ROBO1: variants seen among roughly 807,000 people sequenced by gnomAD.
The protein encoded by ROBO1 is roundabout guidance receptor 1.
ROBO1 carries 149 observed loss-of-function variants against 195.9 expected under a neutral mutation model. The observed-to-expected ratio is 0.76, with a 90% CI of 0.67 to 0.87. The LOEUF (loss-of-function observed/expected upper bound fraction) is 0.87, where lower values mean the gene tolerates loss of function less well. Ranked by LOEUF, ROBO1 falls within the 40% of genes least tolerant of loss-of-function variation. The pLI is 0.00. For synonymous variants in ROBO1, 816 were observed against 733.2 expected, an observed-to-expected ratio of 1.11 and a Z score of -1.82; for missense variants, 1,933 against 2,068.3, an observed-to-expected ratio of 0.93 and a Z score of 1.27.
At chr3:78,848,485 C>T (rs909467687) in intron 4 of ROBO1, among the ~76,000 whole-genome samples, 2 of 152,046 alleles carry the variant, frequency 1.3e-5, no homozygotes, top group Non-Finnish European at 1.5e-5. Flanking sequence ...AGAAAGTATA[C>T]AATGAGGTGC....
chr3:79,299,980 A>C (rs1472301072), intron 2 of ROBO1, among the ~76,000 whole-genome samples: 1 of 152,250 alleles, frequency 6.6e-6, no homozygotes, highest in Non-Finnish European at 1.5e-5. Context: ...AATACCTGAA[A>C]TATTAAATAA....
At chr3:78,661,315 A>G in intron 15 of ROBO1, 54 bp from the exon 16 acceptor site, 1 of 1,114,034 alleles carries the variant, frequency 9.0e-7, no homozygotes, top group Non-Finnish European at 1.2e-6. Context: ...TTGGTTCATC[A>G]GAAAATAATA....
At chr3:79,353,788 T>C (rs1265233486) in intron 2 of ROBO1, among the ~76,000 whole-genome samples, 2 of 152,162 alleles carry the variant, frequency 1.3e-5, no homozygotes, top group Admixed American at 6.5e-5. Context: ...CTCACGCCTG[T>C]AATCCCAGCA....
intron 1 of ROBO1, among the ~76,000 whole-genome samples, chr3:79,607,574 A>G (rs562595563): frequency 4.1e-5 from 6 of 146,632 alleles, no homozygotes; most frequent in Admixed American, 3.5e-4. Flanking sequence ...ATTATCTTCA[A>G]TCAAAAACTA....
At chr3:79,741,628 T>C (rs1409700915) in intron 1 of ROBO1, among the ~76,000 whole-genome samples, 1 of 152,198 alleles carries the variant, frequency 6.6e-6, no homozygotes, top group Non-Finnish European at 1.5e-5. Flanking sequence ...GAGTGAGGCA[T>C]TGCTATAAAG....
At chr3:79,122,380 CA>C (rs2080135888) in intron 3 of ROBO1, among the ~76,000 whole-genome samples, 1 of 151,930 alleles carries the variant, frequency 6.6e-6, no homozygotes, top group Non-Finnish European at 1.5e-5. Flanking sequence ...TGAAATATTT[CA>C]AAACCTTACA....
At position 79,557,300 on chromosome 3, in the gene ROBO1, CTT is replaced by C. The variant is rs1265364633; in HGVS notation, c.88+32522_88+32523del. On this transcript the variant is annotated intron_variant, in intron 2 of 30. Transcript: ENST00000464233. ...TGACTTTTTAATTAATTTAATGTCT[CTT>C]ATTTATCCGTGTAAATACAGAGAAA... is the stretch of plus-strand genomic sequence containing the variant. 7.2e-5 allele frequency among the ~76,000 whole-genome samples: 11 copies of C among 152,138 alleles called. No homozygotes were observed. The East Asian group carries it at 2.1e-3, about 29-fold the overall frequency.
intron 1 of ROBO1, among the ~76,000 whole-genome samples, chr3:79,680,266 G>C (rs1946904970): frequency 6.6e-6 from 1 of 151,926 alleles, no homozygotes; most frequent in South Asian, 2.1e-4. Context: ...CTCTAATGGA[G>C]CACGCAATGC....
chr3:79,054,637 C>G (rs111661601), intron 3 of ROBO1, among the ~76,000 whole-genome samples: 1,798 of 152,196 alleles, frequency 0.012, 48 homozygotes, highest in African/African-American at 0.041. Context: ...CTTGGTCATA[C>G]TCGTAAAAAT....
rs530933323 is a variant in ROBO1, at chr3:79,758,303, T to C, written c.-51+9449A>G. 5.9e-5 allele frequency among the ~76,000 whole-genome samples: 9 copies of C among 152,358 alleles called. No homozygotes were observed. In the South Asian group the frequency reaches 1.9e-3, roughly 32 times the overall value. ...AAATTGGCTATCTAAACTGAAACTC[T>C]AAATTAAAATAAATTTAATTTAAAA... On this transcript the variant is annotated intron_variant, in intron 1 of 30. Transcript: ENST00000464233.
chr3:78,672,845 G>T (rs1189045416), intron 10 of ROBO1, among the ~76,000 whole-genome samples: 2 of 152,080 alleles, frequency 1.3e-5, no homozygotes, highest in African/African-American at 2.4e-5. Flanking sequence ...AAATAAAATA[G>T]GAAGTGTAAG....
At chr3:79,568,402 A>G (rs1429871976) in intron 2 of ROBO1, among the ~76,000 whole-genome samples, 2 of 151,014 alleles carry the variant, frequency 1.3e-5, no homozygotes, top group Non-Finnish European at 2.9e-5. Context: ...AAAAGGCTGG[A>G]GTTGTTGACT....
chr3:79,557,730 T>TAAAAA (rs368317896), intron 2 of ROBO1, among the ~76,000 whole-genome samples: 3,035 of 107,128 alleles, frequency 0.028, 174 homozygotes, highest in Non-Finnish European at 0.034. Flanking sequence ...GAGACTGTCT[T>TAAAAA]AAAACAAAAA....
chr3:78,860,322 ATATAT>A (rs1277724753), intron 4 of ROBO1, among the ~76,000 whole-genome samples: 4 of 73,890 alleles, frequency 5.4e-5, no homozygotes, highest in African/African-American at 1.7e-4. Context: ...ATATATATAT[ATATAT>A]TTTTTTTTTT....
At chr3:78,743,178 G>A (rs780705439) in intron 5 of ROBO1, among the ~76,000 whole-genome samples, 2 of 152,070 alleles carry the variant, frequency 1.3e-5, no homozygotes, top group African/African-American at 2.4e-5. Context: ...AAAAAGAGTC[G>A]TCTATGCTCT....
intron 2 of ROBO1, among the ~76,000 whole-genome samples, chr3:79,202,255 G>T (rs941565028): frequency 1.3e-5 from 2 of 151,992 alleles, no homozygotes; most frequent in Non-Finnish European, 2.9e-5. Flanking sequence ...TTAAAATACA[G>T]TAAGTTCAGT....
chr3:79,094,306 T>G (rs2079527795), intron 3 of ROBO1, among the ~76,000 whole-genome samples: 1 of 152,106 alleles, frequency 6.6e-6, no homozygotes, highest in African/African-American at 2.4e-5. Context: ...GTAAGGAAGA[T>G]AGAAGAATGT....
intron 5 of ROBO1, among the ~76,000 whole-genome samples, chr3:78,718,677 G>T (rs2081961981): frequency 6.6e-6 from 1 of 151,876 alleles, no homozygotes; most frequent in African/African-American, 2.4e-5. Flanking sequence ...AATTACCCAT[G>T]AATATCTACA....
chr3:79,353,134 G>A (rs2035409337), intron 2 of ROBO1, among the ~76,000 whole-genome samples: 1 of 152,082 alleles, frequency 6.6e-6, no homozygotes, highest in Non-Finnish European at 1.5e-5. Context: ...AAAGCACAGT[G>A]AGATAACATT....
Sources: gnomAD v4.1 joint callset for allele counts (sites outside exome capture counted in the v4.1 genomes callset) on GRCh38, gnomAD v4.1.1 for gene constraint, MANE v1.5 for transcripts, NCBI Gene and HGNC (gene_info 2026-07-23, HGNC 2026-07-21) for gene names.